Variants in MSI2 observed in about 807,000 individuals in gnomAD.
The protein encoded by MSI2 is RNA-binding protein Musashi homolog 2.
A neutral mutation model predicts 45.6 loss-of-function variants in MSI2; 17 were observed. That is an observed-to-expected ratio of 0.37 (90% CI 0.26 to 0.56). MSI2 has a LOEUF of 0.56. Among genes scored for constraint, MSI2 ranks in the 20% least tolerant of loss-of-function variants. The probability of loss-of-function intolerance (pLI) is 0.77; values close to 1 mark genes in which losing one functional copy is unlikely to be tolerated. For synonymous variants in MSI2, 156 were observed against 158.2 expected, an observed-to-expected ratio of 0.99 and a Z score of 0.11; for missense variants, 293 against 444.2, an observed-to-expected ratio of 0.66 and a Z score of 3.06.
At chr17:57,364,943 A>C (rs1212451181) in intron 5 of MSI2, 1 of 151,000 alleles carries the variant, frequency 6.6e-6, no homozygotes, top group African/African-American at 2.4e-5. Context: ...TTCTTCCTCC[A>C]TGGCACAGGA....
chr17:57,339,015 G>T (rs971082983), intron 5 of MSI2, among the ~76,000 whole-genome samples: 1 of 152,238 alleles, frequency 6.6e-6, no homozygotes, highest in Non-Finnish European at 1.5e-5. Context: ...AGTGGTGGGG[G>T]AGAGGGGATC....
intron 5 of MSI2, among the ~76,000 whole-genome samples, chr17:57,309,959 C>G (rs757926535): frequency 3.3e-5 from 5 of 152,098 alleles, no homozygotes; most frequent in African/African-American, 1.2e-4. Flanking sequence ...TCCTGGCAGA[C>G]GGTGATGATG....
intron 5 of MSI2, among the ~76,000 whole-genome samples, chr17:57,391,829 G>A (rs1035832888): frequency 5.9e-5 from 9 of 152,282 alleles, no homozygotes; most frequent in East Asian, 1.9e-4. Flanking sequence ...CGACTTCCTC[G>A]CAGATTCAAA....
At chr17:57,496,514 G>A (rs1385939794) in intron 6 of MSI2, among the ~76,000 whole-genome samples, 1 of 152,248 alleles carries the variant, frequency 6.6e-6, no homozygotes, top group Non-Finnish European at 1.5e-5. Flanking sequence ...TTTGACAAGC[G>A]AAGGAGGCAA....
chr17:57,491,068 C>T (rs866163630), intron 6 of MSI2, among the ~76,000 whole-genome samples: 1 of 152,206 alleles, frequency 6.6e-6, no homozygotes, highest in African/African-American at 2.4e-5. Context: ...GGGCCATTGC[C>T]TCACAGCTTG....
chr17:57,266,396 C>CT (rs1173287718), intron 5 of MSI2: 1 of 152,192 alleles, frequency 6.6e-6, no homozygotes, highest in Non-Finnish European at 1.5e-5. Flanking sequence ...GAGCCTCACT[C>CT]TGTCGCCCAG....
At chr17:57,439,234 GC>G (rs1296964897) in intron 6 of MSI2, among the ~76,000 whole-genome samples, 6 of 152,160 alleles carry the variant, frequency 3.9e-5, no homozygotes, top group Admixed American at 6.5e-5. Context: ...GTTTTTGATT[GC>G]TCAGATCAAG....
chr17:57,647,274 CAAAAAA>C (rs33915774), intron 10 of MSI2, among the ~76,000 whole-genome samples: 29 of 37,668 alleles, frequency 7.7e-4, no homozygotes, highest in African/African-American at 1.9e-3. Context: ...ACTAAAAATA[CAAAAAA>C]AAAAAAAAAA....
At chr17:57,510,246 C>T (rs1441586314) in intron 6 of MSI2, among the ~76,000 whole-genome samples, 1 of 151,894 alleles carries the variant, frequency 6.6e-6, no homozygotes, top group Non-Finnish European at 1.5e-5. Flanking sequence ...TGCCTGGGCC[C>T]CTGAGGCCCT....
At position 57,517,777 on chromosome 17, in the gene MSI2, C is replaced by T. The variant is rs551253925; in HGVS notation, c.406-11899C>T. ...CCTGCAGCTACTCCGTGACCTCTGGCTTATCCCCTTGCCCCTCCTCTGTTG... is the reference window on the plus strand; with the variant it reads ...CCTGCAGCTACTCCGTGACCTCTGGTTTATCCCCTTGCCCCTCCTCTGTTG... On this transcript the variant is annotated intron_variant, in intron 6 of 13. Transcript: ENST00000284073. 3.9e-5 allele frequency among the ~76,000 whole-genome samples: 6 copies of T among 152,284 alleles called. No homozygotes were observed. In the South Asian group the frequency reaches 1.0e-3, roughly 26 times the overall value.
chr17:57,451,275 TG>T (rs1273268323), intron 6 of MSI2, among the ~76,000 whole-genome samples: 1 of 152,126 alleles, frequency 6.6e-6, no homozygotes, highest in Non-Finnish European at 1.5e-5. Context: ...TGTGACGATG[TG>T]GGTGCGTGCA....
intron 6 of MSI2, among the ~76,000 whole-genome samples, chr17:57,434,026 A>G (rs917518574): frequency 1.3e-5 from 2 of 152,218 alleles, no homozygotes; most frequent in African/African-American, 4.8e-5. Context: ...TACATTGTGG[A>G]GTGATTAAGG....
intron 11 of MSI2, among the ~76,000 whole-genome samples, chr17:57,668,325 C>T (rs1376967197): frequency 6.6e-6 from 1 of 152,132 alleles, no homozygotes; most frequent in Non-Finnish European, 1.5e-5. Context: ...TTAGAACTGG[C>T]TAATAGTGAT....
intron 5 of MSI2, among the ~76,000 whole-genome samples, chr17:57,322,903 G>A (rs1387729575): frequency 6.6e-6 from 1 of 152,136 alleles, no homozygotes; most frequent in East Asian, 1.9e-4. Context: ...GAGGGCTGCA[G>A]GGCAGGGAGC....
chr17:57,464,200 C>G (rs144587883), intron 6 of MSI2, among the ~76,000 whole-genome samples: 1 of 151,984 alleles, frequency 6.6e-6, no homozygotes. Context: ...TCCGGCACTT[C>G]GGGAGGCTGA....
At chr17:57,287,483 T>G (rs534487369) in intron 5 of MSI2, among the ~76,000 whole-genome samples, 1 of 152,320 alleles carries the variant, frequency 6.6e-6, no homozygotes, top group East Asian at 1.9e-4. Context: ...CCTAACTTGT[T>G]GCTCAGTCGC....
At chr17:57,632,705 C>G in intron 10 of MSI2, 1 of 1,066,016 alleles carries the variant, frequency 9.4e-7, no homozygotes, top group Non-Finnish European at 1.1e-6. Flanking sequence ...AATACACCCA[C>G]TCTCTTGGAA....
At chr17:57,677,151 C>T (rs982531886) in intron 13 of MSI2, 92 bp downstream of exon 13, 11 of 858,454 alleles carry the variant, frequency 1.3e-5, no homozygotes, top group Non-Finnish European at 2.2e-5. Context: ...GCCCCTGTCT[C>T]ATCACATCCA....
chr17:57,639,244 G>A (rs1910066365), intron 10 of MSI2, among the ~76,000 whole-genome samples: 1 of 152,192 alleles, frequency 6.6e-6, no homozygotes, highest in Non-Finnish European at 1.5e-5. Context: ...GCCGAGTTTT[G>A]GAGCACGCAC....
Sources: allele counts gnomAD v4.1 joint callset (sites outside exome capture counted in the v4.1 genomes callset), GRCh38; gene constraint gnomAD v4.1.1; transcripts MANE v1.5; gene names NCBI Gene and HGNC (gene_info 2026-07-23, HGNC 2026-07-21).